Variants in PDP1 observed in about 807,000 individuals in gnomAD.
The protein encoded by PDP1 is pyruvate dehydrogenase phosphatase catalytic subunit 1.
In PDP1, 14 loss-of-function variants were observed where a neutral mutation model predicts 37.1. The ratio of observed to expected loss-of-function variants is 0.38; its 90% CI spans 0.25 to 0.59. The LOEUF (loss-of-function observed/expected upper bound fraction) is 0.59. Among genes scored for constraint, PDP1 ranks in the 20% least tolerant of loss-of-function variants. The probability of loss-of-function intolerance (pLI) is 0.67; values close to 1 mark genes in which losing one functional copy is unlikely to be tolerated. For synonymous variants in PDP1, 251 were observed against 243.3 expected (o/e 1.03, Z -0.29); for missense variants, 544 against 655.3 (o/e 0.83, Z 1.85).
Position 93,922,618 on chromosome 8 carries a change from C to T in PDP1, c.559C>T (p.Leu187=). 1 of 1,614,136 alleles carries T rather than the reference C, an allele frequency of 6.2e-7. No individual in the cohort carries two copies. The highest frequency in any genetic ancestry group is 8.5e-7 in the Non-Finnish European group (1 of 1,180,016). ...TGCAGTGGAGAGCGGCCGGGCACTGCTACCCATTCTCCAGTGGCACAAGCA... is the reference window on the plus strand; with the variant it reads ...TGCAGTGGAGAGCGGCCGGGCACTGTTACCCATTCTCCAGTGGCACAAGCA... The part of the protein sequence containing the change: ...ENAVESGRAL[L]PILQWHKHPN... Residue 187 remains leucine (L), a synonymous_variant, in exon 2 of 2, where the codon CTA becomes TTA. Transcript: ENST00000297598. The surrounding 1 kb of genome is among the most constrained non-coding windows in gnomAD (Gnocchi z 4.0).
rs1563516814 is a variant in PDP1 at position 93,922,416 on chromosome 8, A to G, written c.357A>G (p.Ala119=). ...ILGFDSNQLP[A]NAPIEDRRSA... Reference sequence around the variant, plus strand: ...GATTTGACAGCAATCAGCTGCCTGCAAATGCACCCATTGAGGACCGGAGAA... The same window carrying G: ...GATTTGACAGCAATCAGCTGCCTGCGAATGCACCCATTGAGGACCGGAGAA... Residue 119 remains alanine (A), a synonymous_variant, in exon 2 of 2, where the codon GCA becomes GCG. Transcript: ENST00000297598. This position sits in a 1 kb window ranked among gnomAD's most constrained non-coding sequence, Gnocchi z 4.0. 6.2e-7 allele frequency: 1 copy of G among 1,614,010 alleles called. No individual in the cohort carries two copies. The highest frequency in any genetic ancestry group is 2.2e-5 in the East Asian group (1 of 44,898).
intron 1 of PDP1, among the ~76,000 whole-genome samples, chr8:93,917,545 G>A (rs866500947): frequency 6.6e-6 from 1 of 152,044 alleles, no homozygotes; most frequent in African/African-American, 2.4e-5. Context: ...GGCGGGCAGC[G>A]GGCGGGGCTG....
At chr8:93,917,823 C>T (rs780153814) in intron 1 of PDP1, 3 of 1,609,668 alleles carry the variant, frequency 1.9e-6, no homozygotes, top group South Asian at 1.1e-5. Flanking sequence ...ATGAGCATCT[C>T]TGCCTTGCTT....
chr8:93,923,380 C>A lies in PDP1; in HGVS notation c.1321C>A (p.His441Asn). ...TGTGGGTGAGTACCTAACTGGCATG[C>A]ATCACCAACAGCCAATAGCTGTTGG... ...RIVGEYLTGMHHQQPIAVGGY... is the reference protein window; with the variant it reads ...RIVGEYLTGMNHQQPIAVGGY... The change falls in exon 2 of 2, where the codon CAT (histidine) becomes AAT (asparagine). Residue 441 changes from histidine to asparagine, a missense_variant. Around this residue, in one of 5 missense-constraint regions of PDP1, gnomAD observed 159 missense variants for 165.5 expected, o/e 0.96. Transcript: ENST00000297598. This position sits in a 1 kb window ranked among gnomAD's most constrained non-coding sequence, Gnocchi z 4.3. 1 of 1,611,700 alleles carries A rather than the reference C, an allele frequency of 6.2e-7. No individual in the cohort carries two copies. The highest frequency in any genetic ancestry group is 1.7e-5 in the Admixed American group (1 of 59,936).
rs569731805 is a variant in PDP1, at chr8:93,919,041, C to G, written c.-45+1962C>G. 3.8e-4 allele frequency: 148 copies of G among 392,790 alleles called. 2 individuals carry two copies. The South Asian group carries it at 0.015, about 39-fold the overall frequency. 24.3% of individuals were successfully genotyped at this position (392,790 alleles called of 1,614,324 possible). A position where few individuals can be genotyped will look rare whatever the true frequency, so the allele number is the denominator to read the frequency against. The stretch of plus-strand genomic sequence containing the variant: ...GTCCATGTACTAAGCCTCTGCATAA[C>G]TGAAAGATAGAGTCAATAAAATTCA... On this transcript the variant is annotated intron_variant, in intron 1 of 1. Coordinates refer to ENST00000297598, the MANE Select transcript of PDP1 (RefSeq NM_018444.4).
chr8:93,923,434 C>G lies in PDP1; in HGVS notation c.1375C>G (p.His459Asp), dbSNP rs767783621. 6.3e-7 allele frequency: 1 copy of G among 1,598,682 alleles called. No individual in the cohort carries two copies. Among genetic ancestry groups the G allele is most frequent in the South Asian group, 1.1e-5 (1 of 89,226 alleles). Residue 459 changes from histidine (H) to aspartate (D), a missense_variant, in exon 2 of 2, where the codon CAT becomes GAT. Coordinates refer to ENST00000297598, the MANE Select transcript of PDP1 (RefSeq NM_018444.4). The surrounding 1 kb of genome is among the most constrained non-coding windows in gnomAD (Gnocchi z 4.3). ...CTACAAGGTGACTCTGGGACAGATG[C>G]ATGGCCTTTTAACAGAAAGGAGAAC... ...GGYKVTLGQM[H>D]GLLTERRTKM...
At chr8:93,921,202 C>G (rs971966411) in intron 1 of PDP1, 2 of 973,294 alleles carry the variant, frequency 2.1e-6, no homozygotes, top group East Asian at 2.3e-4. Flanking sequence ...TAGATAGCAT[C>G]TGCTCTGTTG....
chr8:93,917,285 G>A (rs1488257384), intron 1 of PDP1: 1 of 149,578 alleles, frequency 6.7e-6, no homozygotes, highest in Non-Finnish European at 1.5e-5. Flanking sequence ...GGGGCTGGGG[G>A]CGGGGGCGGG....
intron 1 of PDP1, chr8:93,919,924 TG>T (rs1458958598): frequency 1.3e-5 from 2 of 152,222 alleles, no homozygotes; most frequent in East Asian, 3.8e-4. Context: ...ACTTAACCTC[TG>T]GATGACTTTC....
chr8:93,922,973 G>C lies in PDP1; in HGVS notation c.914G>C (p.Trp305Ser). 1 of 1,614,146 alleles carries C rather than the reference G, an allele frequency of 6.2e-7. No individual in the cohort carries two copies. Among genetic ancestry groups the C allele is most frequent in the Non-Finnish European group, 8.5e-7 (1 of 1,180,036 alleles). ...MLGVQEEDGS[W>S]SAVTLSNDHN... ...GGTGTGCAGGAAGAGGACGGCTCATGGTCAGCAGTCACGCTGTCTAATGAC... is the reference window on the plus strand; with the variant it reads ...GGTGTGCAGGAAGAGGACGGCTCATCGTCAGCAGTCACGCTGTCTAATGAC... Residue 305 changes from tryptophan (W) to serine (S), a missense_variant, in exon 2 of 2, where the codon TGG (tryptophan) becomes TCG (serine). Around this residue, in one of 5 missense-constraint regions of PDP1, gnomAD observed 342 missense variants for 414.0 expected, o/e 0.83. Transcript: ENST00000297598. This position sits in a 1 kb window ranked among gnomAD's most constrained non-coding sequence, Gnocchi z 4.0.
rs745378971 is a variant in PDP1, at chr8:93,922,021, C to T, written c.-39C>T. ...CTGTCTAATTTGCTGTCTAGGAATC[C>T]CAGTCAGAAGTTCCAGCCTGCCACT... On this transcript the variant is annotated 5_prime_UTR_variant, in exon 2 of 2. Coordinates refer to ENST00000297598, the MANE Select transcript of PDP1 (RefSeq NM_018444.4). This position sits in a 1 kb window ranked among gnomAD's most constrained non-coding sequence, Gnocchi z 4.0. The T allele has an allele frequency of 6.3e-7, 1 of 1,583,500 alleles. No individual in the cohort carries two copies. Among genetic ancestry groups the T allele is most frequent in the Non-Finnish European group, 8.6e-7 (1 of 1,160,954 alleles).
At position 93,925,972 on chromosome 8, in the gene PDP1, A is replaced by G. The variant is rs886063190; in HGVS notation, c.*2299A>G. ...ACCATATTGCTAAGAAAACTGTCTT[A>G]TAAAAGATGTATATGTGTGAAGACA... is the stretch of plus-strand genomic sequence containing the variant. On this transcript the variant is annotated 3_prime_UTR_variant, in exon 2 of 2. Coordinates refer to ENST00000297598, the MANE Select transcript of PDP1 (RefSeq NM_018444.4). 4 of 166,934 alleles carry G rather than the reference A, an allele frequency of 2.4e-5. No homozygotes were observed. The highest frequency in any genetic ancestry group is 5.9e-5 in the Non-Finnish European group (4 of 68,116). 10.3% of individuals were successfully genotyped at this position (166,934 alleles called of 1,614,324 possible). A position where few individuals can be genotyped will look rare whatever the true frequency, so the allele number is the denominator to read the frequency against.
rs570396595 is a variant in PDP1 at position 93,916,974 on chromosome 8, C to A, written c.-150C>A. 6.5e-6 allele frequency: 3 copies of A among 463,312 alleles called. No homozygotes were observed. Among genetic ancestry groups the A allele is most frequent in the Admixed American group, 4.5e-5 (2 of 44,552 alleles). The allele number at this position is 463,312 out of a possible 1,614,324, so 28.7% of individuals were successfully genotyped here. On this transcript the variant is annotated 5_prime_UTR_variant, in exon 1 of 2. Coordinates refer to ENST00000297598, the MANE Select transcript of PDP1 (RefSeq NM_018444.4). Reference sequence around the variant, plus strand: ...AGTGGGCAGGCCGGGGGTGAGGGCTCGCGCTCCGGGAGCTGCACGGGGCTG... The same window carrying A: ...AGTGGGCAGGCCGGGGGTGAGGGCTAGCGCTCCGGGAGCTGCACGGGGCTG...
chr8:93,919,284 T>G (rs1290732119), intron 1 of PDP1: 1 of 239,596 alleles, frequency 4.2e-6, no homozygotes, highest in African/African-American at 2.3e-5. Context: ...TCCCAGCACT[T>G]TGGGAGGCTG....
In PDP1 at chr8:93,922,957, G is replaced by C. The variant is rs780162130; in HGVS notation, c.898G>C (p.Glu300Gln). ...GDSRAMLGVQ[E>Q]EDGSWSAVTL... ...TAGCAGAGCCATGCTGGGTGTGCAG[G>C]AAGAGGACGGCTCATGGTCAGCAGT... Residue 300 changes from glutamate (E) to glutamine (Q), a missense_variant, in exon 2 of 2, where the codon GAA (glutamate) becomes CAA (glutamine). Coordinates refer to ENST00000297598, the MANE Select transcript of PDP1 (RefSeq NM_018444.4). The surrounding 1 kb of genome is among the most constrained non-coding windows in gnomAD (Gnocchi z 4.0). 1.1e-5 allele frequency: 18 copies of C among 1,614,060 alleles called. No homozygotes were observed. Among genetic ancestry groups the C allele is most frequent in the Non-Finnish European group, 1.4e-5 (17 of 1,180,038 alleles).
At chr8:93,920,261 C>T (rs1024453114) in intron 1 of PDP1, among the ~76,000 whole-genome samples, 1 of 152,138 alleles carries the variant, frequency 6.6e-6, no homozygotes, top group Admixed American at 6.5e-5. Flanking sequence ...CTTCCCTCTA[C>T]CCCAATTTAT....
chr8:93,921,746 G>A (rs924882679), intron 1 of PDP1: 6 of 374,170 alleles, frequency 1.6e-5, no homozygotes, highest in Admixed American at 8.6e-5. Flanking sequence ...AGTTTGTACT[G>A]CACAAAGGAC....
At chr8:93,917,111 C>G (rs746785154) in intron 1 of PDP1, 32 bp downstream of exon 1, 3 of 460,156 alleles carry the variant, frequency 6.5e-6, no homozygotes, top group Non-Finnish European at 1.3e-5. Context: ...CCACGAGCCG[C>G]CCCGTCCGGG....
In PDP1 at chr8:93,924,603, A is replaced by G. The variant is rs180752222; in HGVS notation, c.*930A>G. The G allele has an allele frequency of 1.2e-5, 2 of 167,166 alleles. No homozygotes were observed. The highest frequency in any genetic ancestry group is 3.9e-4 in the East Asian group (2 of 5,188). The allele number at this position is 167,166 out of a possible 1,614,324, so 10.4% of individuals were successfully genotyped here. On this transcript the variant is annotated 3_prime_UTR_variant, in exon 2 of 2. Coordinates refer to ENST00000297598, the MANE Select transcript of PDP1 (RefSeq NM_018444.4). Reference sequence around the variant, plus strand: ...TTTAGTAATGATAAGACTTTTCATTATTTTTGGAATTTTAAAGATGACATA... The same window carrying G: ...TTTAGTAATGATAAGACTTTTCATTGTTTTTGGAATTTTAAAGATGACATA...
Sources: gnomAD v4.1 joint callset for allele counts (sites outside exome capture counted in the v4.1 genomes callset) on GRCh38, gnomAD v4.1.1 for gene constraint, gnomAD v4.1.1 regional missense constraint, Gnocchi (gnomAD v3.1) non-coding constraint, MANE v1.5 for transcripts, NCBI Gene and HGNC (gene_info 2026-07-23, HGNC 2026-07-21) for gene names.